MEF2C: variants seen among roughly 807,000 people sequenced by gnomAD.
MEF2C encodes the protein myocyte-specific enhancer factor 2C.
In MEF2C, 6 loss-of-function variants were observed where a neutral mutation model predicts 50.5. The ratio of observed to expected loss-of-function variants is 0.12; its 90% confidence interval spans 0.07 to 0.23. The LOEUF (loss-of-function observed/expected upper bound fraction) is 0.23. Among genes scored for constraint, MEF2C ranks in the 10% least tolerant of loss-of-function variants. MEF2C has a pLI of 1.00. For missense variants in MEF2C, 276 were observed against 605.0 expected, an observed-to-expected ratio of 0.46 and a Z score of 5.70; for synonymous variants, 183 against 228.0, an observed-to-expected ratio of 0.80 and a Z score of 1.78.
intron 6 of MEF2C, chr5:88,743,179 A>C (rs1439807304): frequency 2.1e-6 from 2 of 931,308 alleles, no homozygotes; most frequent in Non-Finnish European, 2.6e-6. Flanking sequence ...ACTAACAATT[A>C]GTTTTCTTAT....
chr5:88,775,539 TAA>T, intron 3 of MEF2C, among the ~76,000 whole-genome samples: 1 of 152,368 alleles, frequency 6.6e-6, no homozygotes, highest in African/African-American at 2.4e-5. Flanking sequence ...CTATATAGAC[TAA>T]GTTACTTTAT....
At chr5:88,850,585 A>G (rs1373703795) in intron 1 of MEF2C, among the ~76,000 whole-genome samples, 1 of 152,148 alleles carries the variant, frequency 6.6e-6, no homozygotes, top group East Asian at 1.9e-4. Flanking sequence ...CTTCAGGGCC[A>G]CTATGATGCC....
rs1000623709 is a variant in MEF2C at position 88,739,647 on chromosome 5, A to G, written c.638-7746T>C. 9 of 985,368 alleles carry G rather than the reference A, an allele frequency of 9.1e-6. No individual in the cohort carries two copies. In the African/African-American group the frequency reaches 1.6e-4, roughly 17 times the overall value. The allele number at this position is 985,368 out of a possible 1,614,324, so 61.0% of individuals were successfully genotyped here. ...ATATGATCTTCTAGACTGCAGTCCT[A>G]GCCTGAATGCCTGAAACCTTGTTAC... is the stretch of plus-strand genomic sequence containing the variant. On this transcript the variant is annotated intron_variant, in intron 6 of 10. Coordinates refer to ENST00000504921, the MANE Select transcript of MEF2C (RefSeq NM_002397.5).
intron 2 of MEF2C, among the ~76,000 whole-genome samples, chr5:88,821,942 A>G (rs569436791): frequency 6.6e-6 from 1 of 152,100 alleles, no homozygotes; most frequent in Admixed American, 6.6e-5. Flanking sequence ...CAAAGAAATG[A>G]TAAATGCTTG....
At chr5:88,735,769 C>T (rs1226732386) in intron 6 of MEF2C, 5 of 985,272 alleles carry the variant, frequency 5.1e-6, no homozygotes, top group South Asian at 4.7e-5. Flanking sequence ...TTTAAGAAGT[C>T]GTAAATTCAA....
intron 3 of MEF2C, among the ~76,000 whole-genome samples, chr5:88,783,656 T>C (rs1350468222): frequency 6.6e-6 from 1 of 151,998 alleles, no homozygotes. Context: ...AAATAAAAAA[T>C]AAAACAGACA....
At chr5:88,873,708 A>ATTTTTTT (rs199642010) in intron 1 of MEF2C, among the ~76,000 whole-genome samples, 4 of 93,812 alleles carry the variant, frequency 4.3e-5, no homozygotes, top group African/African-American at 8.8e-5. Context: ...GTCGTCACGG[A>ATTTTTTT]TTTTTTTTTT....
At chr5:88,758,840 T>G (rs1776536717) in intron 4 of MEF2C, among the ~76,000 whole-genome samples, 1 of 152,156 alleles carries the variant, frequency 6.6e-6, no homozygotes, top group African/African-American at 2.4e-5. Context: ...ACTGCACCCC[T>G]TAAGAAATCA....
intron 1 of MEF2C, among the ~76,000 whole-genome samples, chr5:88,836,319 A>G (rs1815074594): frequency 6.7e-6 from 1 of 148,554 alleles, no homozygotes; most frequent in African/African-American, 2.5e-5. Context: ...TTGCATTCTC[A>G]CCTCCCTCCC....
At chr5:88,735,673 G>T (rs1053122078) in intron 6 of MEF2C, 2 of 985,226 alleles carry the variant, frequency 2.0e-6, no homozygotes, top group Non-Finnish European at 2.4e-6. Flanking sequence ...TCAATACATA[G>T]AACTTGAATG....
Position 88,719,490 on chromosome 5 carries a change from C to A in MEF2C, c.*3114G>T, listed in dbSNP as rs948664659. On this transcript the variant is annotated 3_prime_UTR_variant, in exon 11 of 11. Coordinates refer to ENST00000504921, the MANE Select transcript of MEF2C (RefSeq NM_002397.5). The stretch of plus-strand genomic sequence containing the variant: ...GATTAGATATAACAATACTCGCAGC[C>A]GTGTAAAATGCCACTTATGGATCTT... The A allele has an allele frequency of 6.6e-6, 1 of 152,156 alleles. No individual in the cohort carries two copies. Among genetic ancestry groups the A allele is most frequent in the Non-Finnish European group, 1.5e-5 (1 of 68,016 alleles). 9.4% of individuals were successfully genotyped at this position (152,156 alleles called of 1,614,324 possible).
intron 6 of MEF2C, among the ~76,000 whole-genome samples, chr5:88,744,531 T>C (rs746730732): frequency 3.3e-5 from 5 of 152,080 alleles, no homozygotes; most frequent in African/African-American, 4.8e-5. Flanking sequence ...CCAGCCTGGG[T>C]GACAGAACAA....
At chr5:88,728,354 G>T in intron 10 of MEF2C, 139 bp downstream of exon 10, 1 of 652,154 alleles carries the variant, frequency 1.5e-6, no homozygotes, top group Non-Finnish European at 2.2e-6. Context: ...GAAAAGTATT[G>T]ATCTGAAAAT....
chr5:88,820,612 T>G (rs753696487), intron 2 of MEF2C, among the ~76,000 whole-genome samples: 1 of 152,026 alleles, frequency 6.6e-6, no homozygotes, highest in Non-Finnish European at 1.5e-5. Context: ...GGCAGAGCAG[T>G]CTTTGACAAC....
At chr5:88,845,011 T>G (rs2153353836) in intron 1 of MEF2C, among the ~76,000 whole-genome samples, 1 of 152,354 alleles carries the variant, frequency 6.6e-6, no homozygotes, top group Non-Finnish European at 1.5e-5. Context: ...TGTATGAAAA[T>G]AGTTCACCTT....
At chr5:88,753,400 T>A (rs1209424149) in intron 4 of MEF2C, among the ~76,000 whole-genome samples, 1 of 152,180 alleles carries the variant, frequency 6.6e-6, no homozygotes, top group Non-Finnish European at 1.5e-5. Flanking sequence ...CTTTTATTAT[T>A]ATATTATTAT....
Position 88,819,384 on chromosome 5 carries a change from C to T in MEF2C, c.54+4351G>A, listed in dbSNP as rs142550782. On this transcript the variant is annotated intron_variant, in intron 2 of 10. Transcript: ENST00000504921. Reference sequence around the variant, plus strand: ...GCCAGTTATTTAGAACTTAACAGGACCTTCAAAGCTTTGCGATATCTGGGT... The same window carrying T: ...GCCAGTTATTTAGAACTTAACAGGATCTTCAAAGCTTTGCGATATCTGGGT... 6.1e-6 allele frequency: 6 copies of T among 985,000 alleles called. No individual in the cohort carries two copies. The African/African-American group carries it at 8.7e-5, about 14-fold the overall frequency. The allele number at this position is 985,000 out of a possible 1,614,324, so 61.0% of individuals were successfully genotyped here. A position where few individuals can be genotyped will look rare whatever the true frequency, so the allele number is the denominator to read the frequency against.
intron 1 of MEF2C, among the ~76,000 whole-genome samples, chr5:88,898,110 A>G (rs1165303324): frequency 6.6e-6 from 1 of 151,544 alleles, no homozygotes; most frequent in South Asian, 2.1e-4. Context: ...TTTGTTATTC[A>G]CTCCTGTTCT....
intron 6 of MEF2C, 144 bp from the exon 7 acceptor site, chr5:88,732,045 G>A: frequency 1.3e-6 from 1 of 747,128 alleles, no homozygotes; most frequent in Non-Finnish European, 2.1e-6. Flanking sequence ...TGACCTCCAT[G>A]GGACAAGTAA....
Sources: gnomAD v4.1 joint callset for allele counts (sites outside exome capture counted in the v4.1 genomes callset) on GRCh38, gnomAD v4.1.1 for gene constraint, MANE v1.5 for transcripts, NCBI Gene and HGNC (gene_info 2026-07-23, HGNC 2026-07-21) for gene names.